ZNF232: variants seen among roughly 807,000 people sequenced by gnomAD.
ZNF232 encodes zinc finger and SCAN domain-containing protein 11.
ZNF232 carries 25 observed loss-of-function variants against 25.2 expected under a neutral mutation model. The ratio of observed to expected loss-of-function variants is 0.99; its 90% CI spans 0.72 to 1.39. The LOEUF is 1.39. Ranked by LOEUF, ZNF232 falls within the 40% of genes most tolerant of loss-of-function variation. The pLI, the probability that ZNF232 is intolerant of heterozygous loss-of-function variation, is 0.00. For synonymous variants in ZNF232, 193 were observed against 182.9 expected, an observed-to-expected ratio of 1.06 and a Z score of -0.45; for missense variants, 519 against 520.9, an observed-to-expected ratio of 1.00 and a Z score of 0.04.
chr17:5,122,809 G>C (rs2143741515), intron 1 of ZNF232, among the ~76,000 whole-genome samples: 1 of 152,378 alleles, frequency 6.6e-6, no homozygotes, highest in African/African-American at 2.4e-5. Context: ...CCGGTGGGTA[G>C]GGCGCGGAGA....
At chr17:5,115,555 A>AACACACACACACACACACAC (rs61171102), upstream of ZNF232, among the ~76,000 whole-genome samples, 659 of 148,758 alleles carry the variant, frequency 4.4e-3, 7 homozygotes, top group South Asian at 0.034. Flanking sequence ...CGTCTCCAAA[A>AACACACACACACACACACAC]ACACACACAC....
exon 4 of ZNF232, chr17:5,106,150 C>A (rs2072255650): frequency 6.2e-7 from 1 of 1,614,068 alleles, no homozygotes; most frequent in African/African-American, 1.3e-5. Context: ...AAAGTTTTCC[C>A]ACAGTCACTA....
chr17:5,111,880 C>T, upstream of ZNF232: 1 of 1,608,066 alleles, frequency 6.2e-7, no homozygotes, highest in South Asian at 1.1e-5. Context: ...CAGGTTTGCG[C>T]CTGCGCAGGT....
upstream of ZNF232, chr17:5,112,026 G>C (rs993810534): frequency 4.0e-6 from 3 of 742,224 alleles, no homozygotes; most frequent in African/African-American, 3.6e-5. Context: ...GAGCGAGAAA[G>C]AGCGCGCCGC....
At chr17:5,114,006 C>T (rs1389563282), upstream of ZNF232, 1 of 152,204 alleles carries the variant, frequency 6.6e-6, no homozygotes, top group Non-Finnish European at 1.5e-5. Context: ...GACATATCTG[C>T]ACATGACCTG....
At chr17:5,113,748 C>A (rs1227764455), upstream of ZNF232, 3 of 152,140 alleles carry the variant, frequency 2.0e-5, no homozygotes, top group Non-Finnish European at 4.4e-5. Context: ...GGATATCATA[C>A]CCATTTTACT....
chr17:5,115,457 G>A (rs1462784969), upstream of ZNF232, among the ~76,000 whole-genome samples: 8 of 151,922 alleles, frequency 5.3e-5, no homozygotes, highest in African/African-American at 1.5e-4. Flanking sequence ...AGGCTGAGGC[G>A]GGACAACAGC....
chr17:5,112,137 C>G (rs562065893), upstream of ZNF232: 8 of 479,796 alleles, frequency 1.7e-5, no homozygotes, highest in East Asian at 2.9e-4. Context: ...GTGACTTCAT[C>G]AAGTTTGGGG....
chr17:5,117,959 C>T (rs2072571417), intron 1 of ZNF232, among the ~76,000 whole-genome samples: 1 of 151,834 alleles, frequency 6.6e-6, no homozygotes, highest in Admixed American at 6.6e-5. Flanking sequence ...CTCCCAGCTC[C>T]TCAGGAGGCT....
Position 5,120,334 on chromosome 17 carries a change from C to T in ZNF232, c.-530+2643G>A, listed in dbSNP as rs557878168. ...GAGTGAGGTCGCCTGTGGTCATCCT[C>T]CACTGTGCTGGGGGGTTGTTATCTC... On this transcript the variant is annotated intron_variant, in intron 1 of 4. Coordinates refer to the ZNF232 transcript ENST00000250076. Among the ~76,000 whole-genome samples, 18 of 152,170 alleles carry T rather than the reference C, an allele frequency of 1.2e-4. No individual in the cohort carries two copies. In the South Asian group the frequency reaches 3.7e-3, roughly 32 times the overall value.
At chr17:5,111,987 G>C (rs564393605), upstream of ZNF232, 3 of 1,034,584 alleles carry the variant, frequency 2.9e-6, no homozygotes, top group East Asian at 2.7e-5. Context: ...GAGGCTGGGA[G>C]CCCGGGAACC....
In ZNF232 at chr17:5,120,161, G is replaced by A. The variant is rs567565340; in HGVS notation, c.-530+2816C>T. Among the ~76,000 whole-genome samples, 28 of 152,288 alleles carry A rather than the reference G, an allele frequency of 1.8e-4. No individual in the cohort carries two copies. In the South Asian group the frequency reaches 4.1e-3, roughly 23 times the overall value. On this transcript the variant is annotated intron_variant, in intron 1 of 4. Coordinates refer to the ZNF232 transcript ENST00000250076. ...GAAGGTGTTTCCCCCTGGCTTTGAG[G>A]CTGGTTATACATTGCTTTCCTCCAG...
At position 5,106,507 on chromosome 17, in the gene ZNF232, C is replaced by T. The variant is rs772963250; in HGVS notation, c.626-1G>A. On this transcript the variant is annotated splice_acceptor_variant, in intron 3 of 3. Transcript: ENST00000575898. LOFTEE classifies it high-confidence loss of function. ...GGCTCTGGGCCATCTTCTGTAACAACTGACAGAAAATGTAAATATACCTGT... is the reference window on the plus strand; with the variant it reads ...GGCTCTGGGCCATCTTCTGTAACAATTGACAGAAAATGTAAATATACCTGT... 3.7e-6 allele frequency: 6 copies of T among 1,610,974 alleles called. No individual in the cohort carries two copies. The Admixed American group carries it at 5.0e-5, about 14-fold the overall frequency.
chr17:5,109,214 C>T lies in ZNF232; in HGVS notation c.499-162G>A, dbSNP rs189789565. The T allele has an allele frequency of 1.1e-3, 1,322 of 1,236,936 alleles. 4 individuals carry two copies. Among genetic ancestry groups the T allele is most frequent in the Middle Eastern group, 1.1e-3 (6 of 5,252 alleles). The allele number at this position is 1,236,936 out of a possible 1,614,324, so 76.6% of individuals were successfully genotyped here. ...AGTCAGCACAAGGGAAGAAGAGGAG[C>T]TAGAGTCTCTTTCTCATTCAGGGCT... On this transcript the variant is annotated intron_variant, in intron 2 of 3. Transcript: ENST00000575898.
chr17:5,116,028 GA>G (rs1183002129), upstream of ZNF232, among the ~76,000 whole-genome samples: 1 of 152,248 alleles, frequency 6.6e-6, no homozygotes, highest in African/African-American at 2.4e-5. Flanking sequence ...AGGCCAGGCA[GA>G]GGGGACAGCT....
chr17:5,108,781 C>G, intron 3 of ZNF232, 145 bp downstream of exon 3: 1 of 1,311,870 alleles, frequency 7.6e-7, no homozygotes, highest in Non-Finnish European at 1.0e-6. Flanking sequence ...GGCAAAGTCT[C>G]TCACCTAAGA....
chr17:5,116,873 G>A (rs963122830), intron 1 of ZNF232: 2 of 152,266 alleles, frequency 1.3e-5, no homozygotes, highest in Non-Finnish European at 2.9e-5. Flanking sequence ...CCAACACATA[G>A]CAAGTACTGA....
chr17:5,117,716 T>G (rs1003222968), intron 1 of ZNF232, among the ~76,000 whole-genome samples: 1 of 152,016 alleles, frequency 6.6e-6, no homozygotes, highest in African/African-American at 2.4e-5. Context: ...TAGAGAAGCG[T>G]TGGAATCAGG....
intron 3 of ZNF232, among the ~76,000 whole-genome samples, chr17:5,107,585 C>A (rs1196295538): frequency 6.9e-6 from 1 of 144,950 alleles, no homozygotes; most frequent in African/African-American, 2.6e-5. Flanking sequence ...GTTGCCCAGG[C>A]TGGAGTGTAG....
Sources: allele counts gnomAD v4.1 joint callset (sites outside exome capture counted in the v4.1 genomes callset), GRCh38; gene constraint gnomAD v4.1.1; transcripts MANE v1.5; gene names NCBI Gene and HGNC (gene_info 2026-07-23, HGNC 2026-07-21).